Variants in MYO16 observed in about 807,000 individuals in gnomAD.
The protein encoded by MYO16 is unconventional myosin-XVI.
In MYO16, 94 loss-of-function variants were observed where a neutral mutation model predicts 205.3. That is an observed-to-expected ratio of 0.46 (90% CI 0.39 to 0.54). MYO16 has a LOEUF of 0.54. Ranked by LOEUF, MYO16 falls within the 20% of genes least tolerant of loss-of-function variation. The pLI is 0.00. For missense variants in MYO16, 2,315 were observed against 2,387.5 expected (o/e 0.97, Z 0.63); for synonymous variants, 988 against 954.0 (o/e 1.04, Z -0.66).
At chr13:108,816,806 G>T (rs561807539) in intron 7 of MYO16, among the ~76,000 whole-genome samples, 7 of 152,080 alleles carry the variant, frequency 4.6e-5, no homozygotes, top group Non-Finnish European at 8.8e-5. Flanking sequence ...CTCTCCAGTC[G>T]CTGATTTCCC....
the MYO16 span, among the ~76,000 whole-genome samples, chr13:108,498,533 T>G: frequency 6.6e-6 from 1 of 152,328 alleles, no homozygotes; most frequent in Admixed American, 6.5e-5. Flanking sequence ...CAACCTTTCT[T>G]CTACATTCTG....
intron 28 of MYO16, among the ~76,000 whole-genome samples, chr13:109,111,442 T>C (rs574015034): frequency 6.6e-6 from 1 of 152,312 alleles, no homozygotes; most frequent in Admixed American, 6.5e-5. Context: ...AGGGCATTTT[T>C]CCAGAATACT....
intron 22 of MYO16, among the ~76,000 whole-genome samples, chr13:109,016,584 G>A (rs991861774): frequency 1.3e-5 from 2 of 151,686 alleles, no homozygotes; most frequent in South Asian, 2.1e-4. Context: ...TTATTATTGT[G>A]TGGGAGTCTA....
chr13:108,726,658 G>A (rs4578513), intron 3 of MYO16, among the ~76,000 whole-genome samples: 35,067 of 151,744 alleles, frequency 0.23, 5,127 homozygotes, highest in African/African-American at 0.42. Flanking sequence ...TTTCAAAATT[G>A]AACATTCAAG....
rs565962121 is a variant in MYO16, at chr13:109,104,626, G to GA, written c.3438+3740dup. On this transcript the variant is annotated intron_variant, in intron 28 of 34. Transcript: ENST00000457511. ...TGTCAATTCTAATTCTGAGGGTTAA[G>GA]ACCTAGATGTGACTCAGGCCATCCA... is the stretch of plus-strand genomic sequence containing the variant. Among the ~76,000 whole-genome samples, 42 of 152,288 alleles carry GA rather than the reference G, an allele frequency of 2.8e-4. No homozygotes were observed. The East Asian group carries it at 7.5e-3, about 27-fold the overall frequency.
intron 1 of MYO16, among the ~76,000 whole-genome samples, chr13:108,621,378 C>T (rs1467074844): frequency 6.6e-6 from 1 of 152,126 alleles, no homozygotes; most frequent in Non-Finnish European, 1.5e-5. Flanking sequence ...CCACCGCCAA[C>T]TGCAGTCTGA....
the MYO16 span, among the ~76,000 whole-genome samples, chr13:108,585,582 G>A: frequency 1.3e-5 from 2 of 152,196 alleles, no homozygotes; most frequent in Admixed American, 1.3e-4. Context: ...AAAACAAAGG[G>A]AGAAGGGGAT....
At chr13:109,106,008 A>G (rs966139683) in intron 28 of MYO16, among the ~76,000 whole-genome samples, 2 of 152,248 alleles carry the variant, frequency 1.3e-5, no homozygotes, top group Non-Finnish European at 2.9e-5. Flanking sequence ...TTTTAAAAAC[A>G]TGGTGGACTA....
intron 4 of MYO16, among the ~76,000 whole-genome samples, chr13:108,748,348 C>A (rs184436634): frequency 6.6e-6 from 1 of 151,930 alleles, no homozygotes; most frequent in African/African-American, 2.4e-5. Flanking sequence ...TGGGATGCAG[C>A]AACATCAAAG....
intron 7 of MYO16, among the ~76,000 whole-genome samples, chr13:108,817,690 A>G (rs1335452487): frequency 6.6e-6 from 1 of 152,214 alleles, no homozygotes; most frequent in Non-Finnish European, 1.5e-5. Flanking sequence ...GTAGAAATAC[A>G]GCTAAGACGG....
At chr13:109,074,441 G>A (rs1173349692) in intron 27 of MYO16, among the ~76,000 whole-genome samples, 2 of 152,158 alleles carry the variant, frequency 1.3e-5, no homozygotes, top group Non-Finnish European at 2.9e-5. Context: ...TTACAGTCAC[G>A]GTAGAAGGCA....
At chr13:109,007,826 A>G (rs1372711547) in intron 21 of MYO16, among the ~76,000 whole-genome samples, 1 of 152,166 alleles carries the variant, frequency 6.6e-6, no homozygotes, top group Non-Finnish European at 1.5e-5. Context: ...TCTTCAATAT[A>G]ATGATTTGAC....
chr13:109,198,024 C>A (rs1028553997), intron 34 of MYO16, among the ~76,000 whole-genome samples: 4 of 152,124 alleles, frequency 2.6e-5, no homozygotes, highest in African/African-American at 9.7e-5. Flanking sequence ...TGACAGCCAG[C>A]TTTTGAACTT....
Position 109,125,009 on chromosome 13 carries a change from A to T in MYO16, c.3536-103A>T. On this transcript the variant is annotated intron_variant, in intron 29 of 34. Transcript: ENST00000457511. This position sits in a 1 kb window ranked among gnomAD's most constrained non-coding sequence, Gnocchi z 4.0. ...TCTTATTCTGGGTTAAATGTACCTTATTCTACAACTGCTCAGAGATAAGTA... is the reference window on the plus strand; with the variant it reads ...TCTTATTCTGGGTTAAATGTACCTTTTTCTACAACTGCTCAGAGATAAGTA... 1 of 1,263,296 alleles carries T rather than the reference A, an allele frequency of 7.9e-7. No homozygotes were observed. The highest frequency in any genetic ancestry group is 1.5e-5 in the African/African-American group (1 of 66,342). The allele number at this position is 1,263,296 out of a possible 1,614,324, so 78.3% of individuals were successfully genotyped here. A position where few individuals can be genotyped will look rare whatever the true frequency, so the allele number is the denominator to read the frequency against.
At chr13:108,652,388 ACTTT>A (rs1291132970) in intron 1 of MYO16, among the ~76,000 whole-genome samples, 4 of 152,156 alleles carry the variant, frequency 2.6e-5, no homozygotes, top group African/African-American at 9.7e-5. Flanking sequence ...GTGTCTTATC[ACTTT>A]CTTTCATGTT....
chr13:108,639,329 G>A (rs780842921), intron 1 of MYO16, among the ~76,000 whole-genome samples: 1 of 152,174 alleles, frequency 6.6e-6, no homozygotes, highest in Non-Finnish European at 1.5e-5. Flanking sequence ...GAAAAATTCT[G>A]TGTTGCTTTG....
intron 1 of MYO16, among the ~76,000 whole-genome samples, chr13:108,613,117 A>T (rs1358310948): frequency 6.6e-6 from 1 of 152,186 alleles, no homozygotes; most frequent in Non-Finnish European, 1.5e-5. Context: ...AGGTCAAGAA[A>T]ACAAATTGGG....
At chr13:108,676,937 C>T (rs571712267) in intron 2 of MYO16, among the ~76,000 whole-genome samples, 4 of 152,290 alleles carry the variant, frequency 2.6e-5, no homozygotes, top group African/African-American at 9.6e-5. Context: ...GTGAAACACA[C>T]GAAGCCCTTC....
intron 12 of MYO16, among the ~76,000 whole-genome samples, chr13:108,882,358 C>A (rs1187608289): frequency 1.3e-5 from 2 of 152,200 alleles, no homozygotes; most frequent in African/African-American, 4.8e-5. Flanking sequence ...CCTTGACTCT[C>A]CTTCAGTATG....
Sources: allele counts gnomAD v4.1 joint callset (sites outside exome capture counted in the v4.1 genomes callset), GRCh38; gene constraint gnomAD v4.1.1; non-coding constraint Gnocchi (gnomAD v3.1); transcripts MANE v1.5; gene names NCBI Gene and HGNC (gene_info 2026-07-23, HGNC 2026-07-21).